Variants in BIRC6 observed in about 807,000 individuals in gnomAD.
BIRC6 encodes dual E2 ubiquitin-conjugating enzyme/E3 ubiquitin-protein ligase BIRC6.
BIRC6 carries 98 observed loss-of-function variants against 503.3 expected under a neutral mutation model. The observed-to-expected ratio is 0.19, with a 90% CI of 0.17 to 0.23. The LOEUF (loss-of-function observed/expected upper bound fraction) is 0.23. Among genes scored for constraint, BIRC6 ranks in the 10% least tolerant of loss-of-function variants. BIRC6 has a pLI of 1.00. For synonymous variants in BIRC6, 2,240 were observed against 2,078.7 expected (o/e 1.08, Z -2.11); for missense variants, 5,360 against 5,806.0 (o/e 0.92, Z 2.50).
chr2:32,494,113 A>G (rs1394685487), intron 45 of BIRC6, among the ~76,000 whole-genome samples: 1 of 152,214 alleles, frequency 6.6e-6, no homozygotes, highest in Non-Finnish European at 1.5e-5. Flanking sequence ...ATAAGAATAA[A>G]TTTTGACCAT....
At chr2:32,374,676 G>A (rs1025469273) in intron 1 of BIRC6, among the ~76,000 whole-genome samples, 1 of 152,058 alleles carries the variant, frequency 6.6e-6, no homozygotes, top group Non-Finnish European at 1.5e-5. Flanking sequence ...GTTTCACTGT[G>A]TTAGCCAGGA....
chr2:32,467,697 T>C lies in BIRC6; in HGVS notation c.5529T>C (p.Ile1843=). The C allele has an allele frequency of 1.2e-6, 2 of 1,613,884 alleles. No homozygotes were observed. The highest frequency in any genetic ancestry group is 1.7e-6 in the Non-Finnish European group (2 of 1,179,832). The change falls in exon 27 of 74, where the codon ATT becomes ATC. Residue 1843 remains isoleucine (I), a synonymous_variant. Transcript: ENST00000421745. ...CTGATATAAGCACTCATTCACTAAT[T>C]CTTCATGACTTAATACCACCTCCCG... ...VATDISTHSL[I]LHDLIPPPVC... is the part of the protein sequence containing the mutation.
intron 26 of BIRC6, 37 bp downstream of exon 26, chr2:32,465,201 T>TTTTTTTTTTG: frequency 8.4e-7 from 1 of 1,189,356 alleles, no homozygotes; most frequent in Non-Finnish European, 1.2e-6. Context: ...TTTTTTTTTT[T>TTTTTTTTTTG]TTTGCTTAGT....
At chr2:32,613,955 A>C (rs368195257) in intron 73 of BIRC6, among the ~76,000 whole-genome samples, 8 of 152,008 alleles carry the variant, frequency 5.3e-5, no homozygotes, top group African/African-American at 1.9e-4. Flanking sequence ...TTTACTCTCT[A>C]AAAGTGACAC....
intron 57 of BIRC6, chr2:32,523,532 A>G (rs2055955231): frequency 6.6e-6 from 1 of 152,166 alleles, no homozygotes; most frequent in Admixed American, 6.5e-5. Flanking sequence ...AGAAAGTAAA[A>G]TGTATTGTTG....
chr2:32,574,160 C>CTTT (rs1055060322), intron 65 of BIRC6, among the ~76,000 whole-genome samples: 6 of 124,682 alleles, frequency 4.8e-5, no homozygotes, highest in Admixed American at 2.5e-4. Context: ...ATAACTTTTT[C>CTTT]TTTTTTTTTT....
chr2:32,463,510 A>G (rs752632939), intron 24 of BIRC6, 129 bp downstream of exon 24: 36 of 840,368 alleles, frequency 4.3e-5, no homozygotes, highest in Non-Finnish European at 5.5e-5. Flanking sequence ...AGTTTCAACA[A>G]AAATTGAGGT....
Position 32,485,748 on chromosome 2 carries a change from C to T in BIRC6, c.7802C>T (p.Thr2601Ile), listed in dbSNP as rs747910159. 7 of 1,593,624 alleles carry T rather than the reference C, an allele frequency of 4.4e-6. No individual in the cohort carries two copies. The East Asian group carries it at 6.7e-5, about 15-fold the overall frequency. Reference sequence around the variant, plus strand: ...TCCATTTTACAGGCATTAACAAATACATCTCCTACATGTAAGTAAAATGAC... The same window carrying T: ...TCCATTTTACAGGCATTAACAAATATATCTCCTACATGTAAGTAAAATGAC... ...ADSILQALTN[T>I]SPTLSQSPTG... Residue 2601 changes from threonine (T) to isoleucine (I), a missense_variant, in exon 40 of 74, where the codon ACA becomes ATA. Physicochemically the swap from Thr to Ile is moderately conservative, Grantham distance 89. This residue lies in a region of BIRC6 where 2,299 missense variants were observed against 2,267.2 expected (regional missense o/e 1.01). Coordinates refer to ENST00000421745, the MANE Select transcript of BIRC6 (RefSeq NM_016252.4).
At chr2:32,401,704 A>G in intron 8 of BIRC6, 81 bp downstream of exon 8, 2 of 1,270,478 alleles carry the variant, frequency 1.6e-6, no homozygotes, top group Non-Finnish European at 2.1e-6. Context: ...CTAATAATTA[A>G]AGAGGAGGAA....
rs1367547807 is a variant in BIRC6, at chr2:32,579,020, ATATACCTAATATATATATG to A, written c.13355+3692_13355+3710del. On this transcript the variant is annotated intron_variant, in intron 66 of 73. Transcript: ENST00000421745. ...TAATATATATATATACCTAATATATATATACCTAATATATATATGTATACCTAATATATATATGTATACC... is the reference window on the plus strand; with the variant it reads ...TAATATATATATATACCTAATATATATATACCTAATATATATATGTATACC... 4.1e-3 allele frequency among the ~76,000 whole-genome samples: 557 copies of A among 136,832 alleles called. 12 individuals are homozygous for A. Among genetic ancestry groups the A allele is most frequent in the African/African-American group, 0.014 (492 of 35,722 alleles). The allele number at this position is 136,832 out of a possible 152,430, so 89.8% of individuals were successfully genotyped here.
At chr2:32,398,444 A>G (rs1171985859) in intron 6 of BIRC6, among the ~76,000 whole-genome samples, 1 of 152,194 alleles carries the variant, frequency 6.6e-6, no homozygotes, top group Non-Finnish European at 1.5e-5. Flanking sequence ...TTTCGTGTTA[A>G]TAGAATGGTA....
chr2:32,451,182 T>C (rs1174086895), intron 22 of BIRC6, among the ~76,000 whole-genome samples: 1 of 152,226 alleles, frequency 6.6e-6, no homozygotes, highest in Non-Finnish European at 1.5e-5. Context: ...CCTTTCTCCT[T>C]AGAGTACTTT....
intron 10 of BIRC6, among the ~76,000 whole-genome samples, chr2:32,418,377 T>C (rs2042598607): frequency 6.6e-6 from 1 of 152,226 alleles, no homozygotes; most frequent in South Asian, 2.1e-4. Context: ...TACATAATGA[T>C]ACTGAAGGAA....
chr2:32,521,276 C>A (rs2055632701), intron 57 of BIRC6, among the ~76,000 whole-genome samples: 1 of 126,026 alleles, frequency 7.9e-6, no homozygotes, highest in South Asian at 2.6e-4. Flanking sequence ...AGTATACTTT[C>A]TTTTTTTTTG....
In BIRC6 at chr2:32,543,490, G is replaced by A. The variant is rs1321623331; in HGVS notation, c.12541G>A (p.Ala4181Thr). 6.2e-7 allele frequency: 1 copy of A among 1,613,988 alleles called. No individual in the cohort carries two copies. Residue 4181 changes from alanine to threonine, a missense_variant, in exon 62 of 74, where the codon GCC becomes ACC. Ala to Thr is a moderately conservative substitution (Grantham distance 58). Around this residue, in one of 16 missense-constraint regions of BIRC6, gnomAD observed 477 missense variants for 574.4 expected, o/e 0.83. Transcript: ENST00000421745. ...AGTGCTACTGAAAGAGAGAAAACAT[G>A]CCCAGTGCCTTCTTCGATTGGTATT... The part of the protein sequence containing the change: ...AEVLLKERKH[A>T]QCLLRLVLGV...
chr2:32,484,726 G>A (rs1380238477), intron 39 of BIRC6, among the ~76,000 whole-genome samples: 1 of 151,966 alleles, frequency 6.6e-6, no homozygotes, highest in African/African-American at 2.4e-5. Context: ...TGTTGAGATA[G>A]GGTCTCACTA....
At chr2:32,440,075 C>G (rs1402032367) in intron 16 of BIRC6, among the ~76,000 whole-genome samples, 1 of 152,140 alleles carries the variant, frequency 6.6e-6, no homozygotes, top group African/African-American at 2.4e-5. Flanking sequence ...GACGGGGTTT[C>G]ACCATATTGG....
At chr2:32,467,390 A>C in intron 26 of BIRC6, 135 bp from the exon 27 acceptor site, 1 of 730,922 alleles carries the variant, frequency 1.4e-6, no homozygotes, top group Non-Finnish European at 2.2e-6. Context: ...CCATTTTTAC[A>C]TATTTACTTT....
At chr2:32,374,082 G>C (rs561758731) in intron 1 of BIRC6, among the ~76,000 whole-genome samples, 1 of 152,032 alleles carries the variant, frequency 6.6e-6, no homozygotes, top group South Asian at 2.1e-4. Flanking sequence ...TGTTTAAAGC[G>C]TACAGAGTTT....
Sources: gnomAD v4.1 joint callset for allele counts (sites outside exome capture counted in the v4.1 genomes callset) on GRCh38, gnomAD v4.1.1 for gene constraint, gnomAD v4.1.1 regional missense constraint, MANE v1.5 for transcripts, NCBI Gene and HGNC (gene_info 2026-07-23, HGNC 2026-07-21) for gene names.